IFT80: variants seen among roughly 807,000 people sequenced by gnomAD.
The protein encoded by IFT80 is intraflagellar transport protein 80 homolog.
In IFT80, 79 loss-of-function variants were observed where a neutral mutation model predicts 107.9. The observed-to-expected ratio is 0.73, with a 90% confidence interval of 0.61 to 0.88. The LOEUF (loss-of-function observed/expected upper bound fraction) is 0.88, where lower values mean the gene tolerates loss of function less well. IFT80 is among the 40% of genes least tolerant of loss of function. The pLI is 0.00. For synonymous variants in IFT80, 299 were observed against 300.9 expected, an observed-to-expected ratio of 0.99 and a Z score of 0.07; for missense variants, 797 against 914.2, an observed-to-expected ratio of 0.87 and a Z score of 1.65.
At chr3:160,309,278 C>T (rs1167079438) in intron 9 of IFT80, among the ~76,000 whole-genome samples, 3 of 152,032 alleles carry the variant, frequency 2.0e-5, no homozygotes, top group Non-Finnish European at 4.4e-5. Flanking sequence ...CTGGAAATAG[C>T]CTAAATGTCT....
chr3:160,307,825 C>G, intron 9 of IFT80, 44 bp from the exon 10 acceptor site: 2 of 1,005,006 alleles, frequency 2.0e-6, no homozygotes, highest in Non-Finnish European at 3.2e-6. Flanking sequence ...TATAACATAT[C>G]CAAATTTTAT....
At chr3:160,356,209 A>T (rs189643222) in intron 7 of IFT80, 59 bp from the exon 8 acceptor site, 2 of 1,335,270 alleles carry the variant, frequency 1.5e-6, no homozygotes, top group East Asian at 5.0e-5. Flanking sequence ...GCAAAAACTA[A>T]AAGAAAAATA....
chr3:160,325,683 A>G (rs911598709), intron 8 of IFT80, among the ~76,000 whole-genome samples: 3 of 152,134 alleles, frequency 2.0e-5, no homozygotes. Flanking sequence ...TATCTTGAGA[A>G]TGAGACCCAA....
chr3:160,299,179 C>T, intron 12 of IFT80: 2 of 998,906 alleles, frequency 2.0e-6, no homozygotes, highest in Non-Finnish European at 2.4e-6. Flanking sequence ...TGTCTGCCAT[C>T]TGGATACTAT....
intron 12 of IFT80, chr3:160,299,238 A>T: frequency 9.0e-7 from 1 of 1,109,470 alleles, no homozygotes; most frequent in East Asian, 7.0e-5. Flanking sequence ...GAAGTCCTTT[A>T]AAAAAAAATT....
intron 1 of IFT80, among the ~76,000 whole-genome samples, chr3:160,391,952 T>C (rs1478069948): frequency 2.6e-5 from 4 of 152,198 alleles, no homozygotes; most frequent in African/African-American, 9.6e-5. Context: ...AACAGGGATG[T>C]AAGGTATGAC....
intron 2 of IFT80, chr3:160,383,508 T>C (rs1176891863): frequency 1.2e-6 from 1 of 860,014 alleles, no homozygotes; most frequent in Non-Finnish European, 1.4e-6. Flanking sequence ...GATTTTTCTT[T>C]ATTTCGAATC....
In IFT80 at chr3:160,339,577, C is replaced by G. The variant is rs556066161; in HGVS notation, c.777+16436G>C. 1.2e-4 allele frequency among the ~76,000 whole-genome samples: 18 copies of G among 152,190 alleles called. No homozygotes were observed. In the South Asian group the frequency reaches 3.5e-3, roughly 30 times the overall value. On this transcript the variant is annotated intron_variant, in intron 8 of 19. Coordinates refer to ENST00000326448, the MANE Select transcript of IFT80 (RefSeq NM_020800.3). ...TCTATTTTTCTCTAATTCTATACAG[C>G]AAATTGCAGCTAACACAGTTTTCTT...
At position 160,299,954 on chromosome 3, in the gene IFT80, C is replaced by T. The variant is rs137929113; in HGVS notation, c.1315+929G>A. On this transcript the variant is annotated intron_variant, in intron 12 of 19. Coordinates refer to ENST00000326448, the MANE Select transcript of IFT80 (RefSeq NM_020800.3). ...CCACATCTTCACCATGGCCAAGTCT[C>T]TACATGATCTGGTTCCTGCCTATCT... Among the ~76,000 whole-genome samples, 408 of 152,196 alleles carry T rather than the reference C, an allele frequency of 2.7e-3. 4 individuals carry two copies. Among genetic ancestry groups the T allele is most frequent in the African/African-American group, 8.7e-3 (362 of 41,558 alleles).
intron 11 of IFT80, 78 bp from the exon 12 acceptor site, chr3:160,301,124 T>G: frequency 7.7e-7 from 1 of 1,296,640 alleles, no homozygotes; most frequent in Non-Finnish European, 1.1e-6. Context: ...GAATAGTTTA[T>G]CCTTGGGAAA....
intron 8 of IFT80, among the ~76,000 whole-genome samples, chr3:160,336,835 T>C (rs559803945): frequency 2.6e-5 from 4 of 152,302 alleles, no homozygotes; most frequent in Non-Finnish European, 4.4e-5. Context: ...AAAGTTTCCA[T>C]TTTTAACCTA....
chr3:160,333,196 C>T (rs1719212738), intron 8 of IFT80, among the ~76,000 whole-genome samples: 1 of 152,130 alleles, frequency 6.6e-6, no homozygotes, highest in Non-Finnish European at 1.5e-5. Flanking sequence ...GTACGTGACA[C>T]TTACATGAAT....
intron 10 of IFT80, among the ~76,000 whole-genome samples, chr3:160,307,176 C>T (rs1716888084): frequency 6.6e-6 from 1 of 152,132 alleles, no homozygotes; most frequent in African/African-American, 2.4e-5. Context: ...GAGACAGGGT[C>T]TCACTCTGTT....
chr3:160,397,456 A>C (rs1713866410), intron 1 of IFT80, among the ~76,000 whole-genome samples: 1 of 152,202 alleles, frequency 6.6e-6, no homozygotes, highest in South Asian at 2.1e-4. Context: ...TCCTTAGCAT[A>C]CTTTGATAAG....
At chr3:160,372,487 C>T (rs183837875) in intron 5 of IFT80, among the ~76,000 whole-genome samples, 9 of 152,112 alleles carry the variant, frequency 5.9e-5, no homozygotes, top group African/African-American at 9.6e-5. Flanking sequence ...CTGATTTTTC[C>T]GGAGATGAAA....
At chr3:160,273,344 G>A (rs760797859) in intron 18 of IFT80, among the ~76,000 whole-genome samples, 1 of 152,168 alleles carries the variant, frequency 6.6e-6, no homozygotes, top group Non-Finnish European at 1.5e-5. Context: ...TTTCCATTGT[G>A]AAAAGATCAC....
chr3:160,275,150 C>T (rs1714158791), intron 18 of IFT80, among the ~76,000 whole-genome samples: 1 of 152,192 alleles, frequency 6.6e-6, no homozygotes, highest in Admixed American at 6.5e-5. Context: ...GTGTCTAGCA[C>T]AGTTAATTCC....
At chr3:160,387,118 A>T (rs1490601407) in intron 1 of IFT80, among the ~76,000 whole-genome samples, 1 of 152,242 alleles carries the variant, frequency 6.6e-6, no homozygotes, top group East Asian at 1.9e-4. Flanking sequence ...ATAAAGGACA[A>T]GGAAGGCAAC....
intron 5 of IFT80, among the ~76,000 whole-genome samples, chr3:160,368,344 A>G (rs1311744999): frequency 1.4e-5 from 2 of 143,474 alleles, no homozygotes; most frequent in Non-Finnish European, 3.0e-5. Flanking sequence ...TAGAAAGTCT[A>G]ATCTAGACCC....
Sources: gnomAD v4.1 joint callset for allele counts (sites outside exome capture counted in the v4.1 genomes callset) on GRCh38, gnomAD v4.1.1 for gene constraint, MANE v1.5 for transcripts, NCBI Gene and HGNC (gene_info 2026-07-23, HGNC 2026-07-21) for gene names.